HSD11B1L: variants seen among roughly 807,000 people sequenced by gnomAD.
The protein encoded by HSD11B1L is hydroxysteroid 11-beta-dehydrogenase 1-like protein.
In HSD11B1L, 22 loss-of-function variants were observed where a neutral mutation model predicts 27.0. The observed-to-expected ratio is 0.81, with a 90% CI of 0.58 to 1.16. The LOEUF (loss-of-function observed/expected upper bound fraction) is 1.16, where lower values mean the gene tolerates loss of function less well. Ranked by LOEUF, HSD11B1L falls within the 50% of genes most tolerant of loss-of-function variation. HSD11B1L has a pLI of 0.00. For synonymous variants in HSD11B1L, 187 were observed against 189.2 expected (o/e 0.99, Z 0.09); for missense variants, 372 against 401.8 (o/e 0.93, Z 0.63).
Position 5,686,855 on chromosome 19 carries a change from T to C in HSD11B1L, c.317-45T>C, listed in dbSNP as rs1267119963. 4 of 1,474,108 alleles carry C rather than the reference T, an allele frequency of 2.7e-6. No homozygotes were observed. In the South Asian group the frequency reaches 3.9e-5, roughly 14 times the overall value. 91.3% of individuals were successfully genotyped at this position (1,474,108 alleles called of 1,614,324 possible). On this transcript the variant is annotated intron_variant, in intron 4 of 7. Coordinates refer to ENST00000339423, the MANE Select transcript of HSD11B1L (RefSeq NM_198706.3). Reference sequence around the variant, plus strand: ...AGCTCGGGGGCGGGGTTTGATCGTTTCCTTGGGGAGGGGCCTCCGGGGCTG... The same window carrying C: ...AGCTCGGGGGCGGGGTTTGATCGTTCCCTTGGGGAGGGGCCTCCGGGGCTG...
intron 3 of HSD11B1L, among the ~76,000 whole-genome samples, chr19:5,686,084 G>A (rs979333040): frequency 1.3e-5 from 2 of 152,198 alleles, no homozygotes; most frequent in Non-Finnish European, 2.9e-5. Context: ...GCAACAAGCA[G>A]TCCATTGCTA....
chr19:5,686,869 C>A, intron 4 of HSD11B1L, 31 bp from the exon 5 acceptor site: 1 of 1,507,320 alleles, frequency 6.6e-7, no homozygotes, highest in Non-Finnish European at 8.9e-7. Flanking sequence ...TGGGGAGGGG[C>A]CTCCGGGGCT....
intron 1 of HSD11B1L, chr19:5,684,235 C>T (rs776674090): frequency 2.7e-5 from 9 of 338,290 alleles, no homozygotes; most frequent in East Asian, 4.4e-5. Flanking sequence ...AGGCTGGTCT[C>T]GAACTCCTGA....
In HSD11B1L at chr19:5,687,127, C is replaced by T; in HGVS notation, c.408+136C>T. On this transcript the variant is annotated intron_variant, in intron 5 of 7. Transcript: ENST00000339423. The surrounding 1 kb of genome is among the most constrained non-coding windows in gnomAD (Gnocchi z 6.6). ...CGCCCCAGCCACGCCCCTCCTAGCCCAAGCCCCTGCTCCGGCCTTGACCCC... is the reference window on the plus strand; with the variant it reads ...CGCCCCAGCCACGCCCCTCCTAGCCTAAGCCCCTGCTCCGGCCTTGACCCC... 1 of 1,133,310 alleles carries T rather than the reference C, an allele frequency of 8.8e-7. No individual in the cohort carries two copies. Among genetic ancestry groups the T allele is most frequent in the East Asian group, 2.6e-5 (1 of 38,824 alleles). The allele number at this position is 1,133,310 out of a possible 1,614,324, so 70.2% of individuals were successfully genotyped here.
chr19:5,682,494 G>C (rs947928482), intron 1 of HSD11B1L, among the ~76,000 whole-genome samples: 2 of 152,146 alleles, frequency 1.3e-5, no homozygotes, highest in Non-Finnish European at 2.9e-5. Context: ...CCATGAGCTC[G>C]TGGGGGTGAA....
chr19:5,682,810 CTTTTT>C (rs5826895), intron 1 of HSD11B1L, among the ~76,000 whole-genome samples: 1 of 95,380 alleles, frequency 1.0e-5, no homozygotes, highest in Non-Finnish European at 2.1e-5. Flanking sequence ...GTCCCATTGA[CTTTTT>C]TTTTTTTTTT....
Position 5,686,527 on chromosome 19 carries a change from G to A in HSD11B1L, c.316G>A (p.Gly106Ser). Residue 106 changes from glycine (G) to serine (S), a missense_variant and splice_region_variant, in exon 4 of 8, where the codon GGC (glycine) becomes AGC (serine). By Grantham distance (56) the Gly-to-Ser change is moderately conservative. Coordinates refer to ENST00000339423, the MANE Select transcript of HSD11B1L (RefSeq NM_198706.3). The stretch of plus-strand genomic sequence containing the variant: ...GGTGCAGTTTGCGCTGGACAAGCTG[G>A]GTGAGGGGCTGGGCCTGAAGCCTGG... ...SVVQFALDKL[G>S]GLDYLVLNHI... 1 of 1,572,172 alleles carries A rather than the reference G, an allele frequency of 6.4e-7. No homozygotes were observed. The highest frequency in any genetic ancestry group is 8.6e-7 in the Non-Finnish European group (1 of 1,159,088).
intron 1 of HSD11B1L, among the ~76,000 whole-genome samples, chr19:5,683,140 C>G (rs1199241452): frequency 6.7e-6 from 1 of 149,346 alleles, no homozygotes; most frequent in Non-Finnish European, 1.5e-5. Flanking sequence ...CCGCCCACCT[C>G]GGCCTCCCAA....
Position 5,687,893 on chromosome 19 carries a change from CG to C in HSD11B1L, c.810del (p.Arg271GlyfsTer100). On this transcript the variant is annotated frameshift_variant, in exon 8 of 8. Transcript: ENST00000339423. LOFTEE classifies it high-confidence loss of function. This position sits in a 1 kb window ranked among gnomAD's most constrained non-coding sequence, Gnocchi z 6.6. ...TTGCTCCGGCGCTGGCTACCGCGCC[CG>C]CGGGCCTGGTTTATCCGCCAGGAGC... ...LCLLRRWLPR[P>X]RAWFIRQELN... is the part of the protein sequence containing the mutation. The C allele has an allele frequency of 6.3e-7, 1 of 1,579,426 alleles. No homozygotes were observed. Among genetic ancestry groups the C allele is most frequent in the Middle Eastern group, 1.7e-4 (1 of 6,024 alleles).
In HSD11B1L at chr19:5,687,556, G is replaced by A; in HGVS notation, c.556G>A (p.Asp186Asn). 1 of 1,600,150 alleles carries A rather than the reference G, an allele frequency of 6.2e-7. No homozygotes were observed. Among genetic ancestry groups the A allele is most frequent in the South Asian group, 1.1e-5 (1 of 90,950 alleles). ...TPYSAAKFALDGFFGSLRREL... is the reference protein window; with the variant it reads ...TPYSAAKFALNGFFGSLRREL... ...CTACTCGGCGGCCAAGTTTGCGCTG[G>A]ACGGCTTCTTCGGCTCCCTGCGGCG... The change falls in exon 7 of 8, where the codon GAC (aspartate) becomes AAC (asparagine). Residue 186 changes from aspartate to asparagine, a missense_variant. By Grantham distance (23) the Asp-to-Asn change is conservative. Transcript: ENST00000339423. This position sits in a 1 kb window ranked among gnomAD's most constrained non-coding sequence, Gnocchi z 6.6.
chr19:5,681,889 G>A (rs1034856992), intron 1 of HSD11B1L, among the ~76,000 whole-genome samples: 1 of 152,198 alleles, frequency 6.6e-6, no homozygotes, highest in East Asian at 1.9e-4. Flanking sequence ...CCGTCCACCC[G>A]TCAGTCCATC....
Position 5,688,345 on chromosome 19 carries a change from C to G in HSD11B1L, c.*400C>G, listed in dbSNP as rs1449983027. The G allele has an allele frequency of 1.4e-6, 1 of 701,220 alleles. No individual in the cohort carries two copies. The highest frequency in any genetic ancestry group is 2.3e-6 in the Non-Finnish European group (1 of 429,028). The allele number at this position is 701,220 out of a possible 1,614,324, so 43.4% of individuals were successfully genotyped here. A position where few individuals can be genotyped will look rare whatever the true frequency, so the allele number is the denominator to read the frequency against. On this transcript the variant is annotated 3_prime_UTR_variant, in exon 8 of 8. Coordinates refer to ENST00000339423, the MANE Select transcript of HSD11B1L (RefSeq NM_198706.3). ...TCCATTCATTCCATCTGGGAGGAAC[C>G]CCCCCAACTCCTGCCAGCTTCCCCT...
At position 5,685,163 on chromosome 19, in the gene HSD11B1L, G is replaced by T. The variant is rs1368786576; in HGVS notation, c.204+44G>T. 3.3e-6 allele frequency: 5 copies of T among 1,537,552 alleles called. No individual in the cohort carries two copies. In the South Asian group the frequency reaches 4.8e-5, roughly 15 times the overall value. ...AGATGAATGGTGGGGGTGCTCATGGGGGGTGGGAAGAGAGCCTGGGTTTAA... is the reference window on the plus strand; with the variant it reads ...AGATGAATGGTGGGGGTGCTCATGGTGGGTGGGAAGAGAGCCTGGGTTTAA... On this transcript the variant is annotated intron_variant, in intron 3 of 7. Transcript: ENST00000339423. This position sits in a 1 kb window ranked among gnomAD's most constrained non-coding sequence, Gnocchi z 4.3.
Position 5,687,175 on chromosome 19 carries a change from T to A in HSD11B1L, c.409-107T>A. The A allele has an allele frequency of 7.7e-7, 1 of 1,301,420 alleles. No homozygotes were observed. The highest frequency in any genetic ancestry group is 2.6e-5 in the East Asian group (1 of 39,016). 80.6% of individuals were successfully genotyped at this position (1,301,420 alleles called of 1,614,324 possible). On this transcript the variant is annotated intron_variant, in intron 5 of 7. Coordinates refer to ENST00000339423, the MANE Select transcript of HSD11B1L (RefSeq NM_198706.3). The surrounding 1 kb of genome is among the most constrained non-coding windows in gnomAD (Gnocchi z 6.6). ...CCCGCCCTCGGACCCGCCTTCCGGGTTTCTGGCCCCGTCTCTGACCCGGCC... is the reference window on the plus strand; with the variant it reads ...CCCGCCCTCGGACCCGCCTTCCGGGATTCTGGCCCCGTCTCTGACCCGGCC...
Position 5,687,525 on chromosome 19 carries a change from C to A in HSD11B1L, c.525C>A (p.Ser175=). The A allele has an allele frequency of 1.3e-6, 2 of 1,599,410 alleles. No individual in the cohort carries two copies. Among genetic ancestry groups the A allele is most frequent in the Non-Finnish European group, 1.7e-6 (2 of 1,179,342 alleles). Residue 175 remains serine (S), a synonymous_variant, in exon 7 of 8, where the codon TCC becomes TCA. Transcript: ENST00000339423. The surrounding 1 kb of genome is among the most constrained non-coding windows in gnomAD (Gnocchi z 6.6). ...SLLGRVPTSF[S]TPYSAAKFAL... is the part of the protein sequence containing the mutation. ...CAGGCCGCGTGCCCACGTCGTTCTC[C>A]ACTCCCTACTCGGCGGCCAAGTTTG... is the stretch of plus-strand genomic sequence containing the variant.
intron 3 of HSD11B1L, 78 bp from the exon 4 acceptor site, chr19:5,686,338 C>T (rs113573897): frequency 4.0e-6 from 4 of 1,006,782 alleles, no homozygotes; most frequent in Non-Finnish European, 5.8e-6. Flanking sequence ...CGGGGGCCTC[C>T]CTATGGCCAG....
intron 1 of HSD11B1L, chr19:5,684,126 G>A (rs1399761011): frequency 7.1e-6 from 3 of 424,122 alleles, no homozygotes; most frequent in Non-Finnish European, 1.3e-5. Flanking sequence ...AGGCATGTGC[G>A]TGCCTCAGCC....
At chr19:5,683,539 C>T (rs2054610771) in intron 1 of HSD11B1L, among the ~76,000 whole-genome samples, 1 of 152,198 alleles carries the variant, frequency 6.6e-6, no homozygotes, top group Admixed American at 6.5e-5. Flanking sequence ...TTTCCATTTC[C>T]TTCCTGCCCT....
Position 5,687,124 on chromosome 19 carries a change from G to T in HSD11B1L, c.408+133G>T. ...TCCCGCCCCAGCCACGCCCCTCCTAGCCCAAGCCCCTGCTCCGGCCTTGAC... is the reference window on the plus strand; with the variant it reads ...TCCCGCCCCAGCCACGCCCCTCCTATCCCAAGCCCCTGCTCCGGCCTTGAC... On this transcript the variant is annotated intron_variant, in intron 5 of 7. Transcript: ENST00000339423. This position sits in a 1 kb window ranked among gnomAD's most constrained non-coding sequence, Gnocchi z 6.6. 1 of 1,100,030 alleles carries T rather than the reference G, an allele frequency of 9.1e-7. No homozygotes were observed. The highest frequency in any genetic ancestry group is 1.3e-6 in the Non-Finnish European group (1 of 766,436). 68.1% of individuals were successfully genotyped at this position (1,100,030 alleles called of 1,614,324 possible).
Sources: allele counts gnomAD v4.1 joint callset (sites outside exome capture counted in the v4.1 genomes callset), GRCh38; gene constraint gnomAD v4.1.1; non-coding constraint Gnocchi (gnomAD v3.1); transcripts MANE v1.5; gene names NCBI Gene and HGNC (gene_info 2026-07-23, HGNC 2026-07-21).